Variants in WWOX observed in about 807,000 individuals in gnomAD.
The protein encoded by WWOX is WW domain-containing oxidoreductase.
In WWOX, 69 loss-of-function variants were observed where a neutral mutation model predicts 46.2. That is an observed-to-expected ratio of 1.49 (90% CI 1.23 to 1.82). The LOEUF is 1.82. WWOX is among the 40% of genes most tolerant of loss of function. The pLI is 0.00. For missense variants in WWOX, 919 were observed against 542.6 expected (o/e 1.69, Z -6.89); for synonymous variants, 359 against 202.6 (o/e 1.77, Z -6.56).
rs190389278 is a variant in WWOX at position 78,876,232 on chromosome 16, C to T, written c.1057-335376C>T. Among the ~76,000 whole-genome samples the T allele has an allele frequency of 4.4e-4, 67 of 151,792 alleles. No homozygotes were observed. The East Asian group carries it at 9.1e-3, about 21-fold the overall frequency. On this transcript the variant is annotated intron_variant, in intron 8 of 8. Coordinates refer to ENST00000566780, the MANE Select transcript of WWOX (RefSeq NM_016373.4). Reference sequence around the variant, plus strand: ...TTCTTTTTTTTTTTAATTCTTCCGCCAGCTATCTTTAAAAGCAGTTCTAAA... The same window carrying T: ...TTCTTTTTTTTTTTAATTCTTCCGCTAGCTATCTTTAAAAGCAGTTCTAAA...
At chr16:78,875,765 A>C (rs1239218117) in intron 8 of WWOX, among the ~76,000 whole-genome samples, 3 of 152,196 alleles carry the variant, frequency 2.0e-5, no homozygotes, top group Non-Finnish European at 1.5e-5. Context: ...CTGTCAGTGT[A>C]GGCTCTGCAT....
intron 8 of WWOX, among the ~76,000 whole-genome samples, chr16:78,485,747 G>A (rs2084618733): frequency 6.6e-6 from 1 of 152,178 alleles, no homozygotes; most frequent in Non-Finnish European, 1.5e-5. Context: ...GATTGCCGCG[G>A]AGCCGCTTTT....
chr16:78,418,987 C>A (rs576220718), intron 6 of WWOX, among the ~76,000 whole-genome samples: 1 of 152,088 alleles, frequency 6.6e-6, no homozygotes, highest in African/African-American at 2.4e-5. Flanking sequence ...AAAAAAAGAT[C>A]CAGATTGAAA....
At chr16:78,209,277 AC>A (rs1231340835) in intron 5 of WWOX, among the ~76,000 whole-genome samples, 1 of 152,182 alleles carries the variant, frequency 6.6e-6, no homozygotes, top group Non-Finnish European at 1.5e-5. Context: ...GAAAAGACCA[AC>A]TGGAATGATT....
intron 8 of WWOX, among the ~76,000 whole-genome samples, chr16:78,700,678 G>C (rs547782315): frequency 1.3e-5 from 2 of 152,134 alleles, no homozygotes; most frequent in Admixed American, 1.3e-4. Flanking sequence ...GTGTCTTGTG[G>C]CATTCCTGGG....
intron 4 of WWOX, among the ~76,000 whole-genome samples, chr16:78,154,619 G>C (rs2034535343): frequency 4.0e-5 from 6 of 150,682 alleles, no homozygotes; most frequent in Non-Finnish European, 8.8e-5. Flanking sequence ...TGAAATGCAA[G>C]GGAGCTTGCA....
At chr16:78,530,798 C>T (rs1381849657) in intron 8 of WWOX, among the ~76,000 whole-genome samples, 1 of 152,176 alleles carries the variant, frequency 6.6e-6, no homozygotes, top group Non-Finnish European at 1.5e-5. Context: ...GTGAGATTGG[C>T]ATCTAGCTGC....
chr16:78,971,581 TGCTTCCCAG>T (rs1388568907), intron 8 of WWOX, among the ~76,000 whole-genome samples: 1 of 151,706 alleles, frequency 6.6e-6, no homozygotes, highest in African/African-American at 2.4e-5. Flanking sequence ...GAGCAAAGTG[TGCTTCCCAG>T]AAGAGCATAA....
chr16:78,855,926 T>C (rs1239036277), intron 8 of WWOX, among the ~76,000 whole-genome samples: 1 of 152,182 alleles, frequency 6.6e-6, no homozygotes, highest in Non-Finnish European at 1.5e-5. Context: ...GAAGACAGAC[T>C]TGGGAACAAA....
intron 8 of WWOX, among the ~76,000 whole-genome samples, chr16:78,459,337 A>G (rs2083898478): frequency 6.6e-6 from 1 of 152,192 alleles, no homozygotes; most frequent in African/African-American, 2.4e-5. Context: ...TATCCCCAGC[A>G]TTTTTAATAA....
At chr16:78,441,387 T>G (rs190266714) in intron 8 of WWOX, among the ~76,000 whole-genome samples, 27 of 152,346 alleles carry the variant, frequency 1.8e-4, no homozygotes, top group Admixed American at 1.0e-3. Context: ...AATGTACTTC[T>G]TATCATTTAT....
At chr16:78,213,966 C>T (rs1446601146) in intron 5 of WWOX, among the ~76,000 whole-genome samples, 1 of 152,132 alleles carries the variant, frequency 6.6e-6, no homozygotes, top group African/African-American at 2.4e-5. Flanking sequence ...CCCTGTACAG[C>T]TGCCTCTGCT....
At chr16:78,277,340 T>A (rs1365688305) in intron 5 of WWOX, among the ~76,000 whole-genome samples, 1 of 152,156 alleles carries the variant, frequency 6.6e-6, no homozygotes, top group Non-Finnish European at 1.5e-5. Context: ...GATGTCAGGA[T>A]CCTTTCTTTC....
At chr16:78,512,011 G>C (rs1340460811) in intron 8 of WWOX, among the ~76,000 whole-genome samples, 3 of 152,208 alleles carry the variant, frequency 2.0e-5, no homozygotes, top group Non-Finnish European at 4.4e-5. Flanking sequence ...TATCAAACTT[G>C]CTGGGCATCA....
At chr16:79,135,265 G>A (rs2049961336) in intron 8 of WWOX, among the ~76,000 whole-genome samples, 1 of 152,076 alleles carries the variant, frequency 6.6e-6, no homozygotes, top group Non-Finnish European at 1.5e-5. Context: ...TTTTGTGTAT[G>A]AGTACACTTG....
intron 8 of WWOX, among the ~76,000 whole-genome samples, chr16:79,211,034 A>AGAGTGT (rs1555547724): frequency 6.7e-6 from 1 of 149,602 alleles, no homozygotes; most frequent in African/African-American, 2.5e-5. Context: ...TATGGTGAGG[A>AGAGTGT]GTGTGTGTGT....
At chr16:78,907,501 G>C (rs138639344) in intron 8 of WWOX, among the ~76,000 whole-genome samples, 1 of 152,162 alleles carries the variant, frequency 6.6e-6, no homozygotes, top group Admixed American at 6.5e-5. Flanking sequence ...TAGTTTGGGG[G>C]TAGGGCCATT....
intron 8 of WWOX, among the ~76,000 whole-genome samples, chr16:78,833,353 G>A (rs142438730): frequency 1.2e-3 from 183 of 151,868 alleles, no homozygotes; most frequent in African/African-American, 4.2e-3. Flanking sequence ...TCCTCAACTT[G>A]CACTCTTTCC....
intron 5 of WWOX, among the ~76,000 whole-genome samples, chr16:78,245,512 G>C (rs923912100): frequency 1.3e-5 from 2 of 152,246 alleles, no homozygotes; most frequent in African/African-American, 4.8e-5. Flanking sequence ...CTTGGCTTCA[G>C]AGCCAGGATG....
Sources: allele counts gnomAD v4.1 joint callset (sites outside exome capture counted in the v4.1 genomes callset), GRCh38; gene constraint gnomAD v4.1.1; transcripts MANE v1.5; gene names NCBI Gene and HGNC (gene_info 2026-07-23, HGNC 2026-07-21).